The following ADGRA1 variants were observed in gnomAD, a reference collection of about 807,000 sequenced individuals.
ADGRA1 encodes G-protein coupled receptor 123.
In ADGRA1, 12 loss-of-function variants were observed where a neutral mutation model predicts 21.3. That is an observed-to-expected ratio of 0.56 (90% CI 0.36 to 0.91). The LOEUF (loss-of-function observed/expected upper bound fraction) is 0.91. Ranked by LOEUF, ADGRA1 falls within the 40% of genes least tolerant of loss-of-function variation. The pLI, the probability that ADGRA1 is intolerant of heterozygous loss-of-function variation, is 0.01. For synonymous variants in ADGRA1, 385 were observed against 368.8 expected, an observed-to-expected ratio of 1.04 and a Z score of -0.50; for missense variants, 790 against 805.6, an observed-to-expected ratio of 0.98 and a Z score of 0.23.
At chr10:133,110,068 C>T (rs1327007705) in intron 5 of ADGRA1, among the ~76,000 whole-genome samples, 2 of 152,218 alleles carry the variant, frequency 1.3e-5, no homozygotes, top group Non-Finnish European at 2.9e-5. Flanking sequence ...TGGTTTGTCT[C>T]CACAGAAGGA....
chr10:133,115,147 G>T (rs893054915), intron 5 of ADGRA1, among the ~76,000 whole-genome samples: 1 of 152,106 alleles, frequency 6.6e-6, no homozygotes, highest in Admixed American at 6.5e-5. Context: ...GGTGCACCTG[G>T]GCCTCAGGCG....
At chr10:133,122,255 G>C (rs903644527) in intron 5 of ADGRA1, among the ~76,000 whole-genome samples, 2 of 152,236 alleles carry the variant, frequency 1.3e-5, no homozygotes, top group African/African-American at 4.8e-5. Context: ...CACTGCAACC[G>C]GTGAGAGGTG....
At chr10:133,119,486 A>G (rs1205018568) in intron 5 of ADGRA1, among the ~76,000 whole-genome samples, 1 of 152,184 alleles carries the variant, frequency 6.6e-6, no homozygotes, top group Non-Finnish European at 1.5e-5. Context: ...TGTTTGGTGC[A>G]CTTTACCCAC....
In ADGRA1 at chr10:133,098,685, C is replaced by G. The variant is rs1177885620; in HGVS notation, c.177C>G (p.Phe59Leu). 1 of 1,611,598 alleles carries G rather than the reference C, an allele frequency of 6.2e-7. No homozygotes were observed. The highest frequency in any genetic ancestry group is 1.7e-5 in the Admixed American group (1 of 60,018). ...AGGGCCGGCACACGCTCCTGAATTTCTGCTTCCACGCGGCCCTGACCTTCA... is the reference window on the plus strand; with the variant it reads ...AGGGCCGGCACACGCTCCTGAATTTGTGCTTCCACGCGGCCCTGACCTTCA... ...SRKGRHTLLN[F>L]CFHAALTFTV... The change falls in exon 4 of 7, where the codon TTC becomes TTG. Residue 59 changes from phenylalanine to leucine, a missense_variant. Coordinates refer to ENST00000392607, the MANE Select transcript of ADGRA1 (RefSeq NM_001083909.3).
chr10:133,095,505 C>A, intron 2 of ADGRA1: 5 of 856,790 alleles, frequency 5.8e-6, no homozygotes, highest in Non-Finnish European at 8.5e-6. Flanking sequence ...GCTCCTCTCC[C>A]AGGTGCCTTC....
chr10:133,129,116 C>G lies in ADGRA1; in HGVS notation c.1288C>G (p.Pro430Ala). 1.3e-6 allele frequency: 2 copies of G among 1,553,166 alleles called. No homozygotes were observed. The highest frequency in any genetic ancestry group is 1.7e-6 in the Non-Finnish European group (2 of 1,147,442). The stretch of plus-strand genomic sequence containing the variant: ...TAAGCCGCCCTACTTTAGCCGGCAC[C>G]CAGCAGAGGAGCCCGAGTACGCCTA... Reference protein sequence around the residue: ...RTKPPYFSRHPAEEPEYAYHI... With the variant: ...RTKPPYFSRHAAEEPEYAYHI... Residue 430 changes from proline to alanine, a missense_variant, in exon 7 of 7, where the codon CCA becomes GCA. Physicochemically the swap from Pro to Ala is conservative, Grantham distance 27. Coordinates refer to ENST00000392607, the MANE Select transcript of ADGRA1 (RefSeq NM_001083909.3).
intron 5 of ADGRA1, among the ~76,000 whole-genome samples, chr10:133,105,451 G>A (rs778273126): frequency 6.6e-6 from 1 of 151,832 alleles, no homozygotes; most frequent in East Asian, 1.9e-4. Context: ...CTGAGCAGCC[G>A]ACGTTTTGAG....
rs759071235 is a variant in ADGRA1 at position 133,128,435 on chromosome 10, C to G, written c.607C>G (p.Arg203Gly). 1 of 1,604,742 alleles carries G rather than the reference C, an allele frequency of 6.2e-7. No individual in the cohort carries two copies. The highest frequency in any genetic ancestry group is 1.7e-5 in the Admixed American group (1 of 59,336). The change falls in exon 7 of 7, where the codon CGC (arginine) becomes GGC (glycine). Residue 203 changes from arginine (R) to glycine (G), a missense_variant. Physicochemically the swap from Arg to Gly is moderately radical, Grantham distance 125. Coordinates refer to ENST00000392607, the MANE Select transcript of ADGRA1 (RefSeq NM_001083909.3). The part of the protein sequence containing the change: ...YFLGTYVQLR[R>G]HPGRRYELRT... ...CCTGGGCACCTACGTGCAGCTGCGG[C>G]GCCACCCAGGGCGCAGGTACGAGCT...
rs546902205 is a variant in ADGRA1 at position 133,088,180 on chromosome 10, G to T, written c.-203+42G>T. 887 of 897,536 alleles carry T rather than the reference G, an allele frequency of 9.9e-4. 7 individuals are homozygous for T. The highest frequency in any genetic ancestry group is 8.3e-3 in the African/African-American group (460 of 55,586). The allele number at this position is 897,536 out of a possible 1,614,324, so 55.6% of individuals were successfully genotyped here. ...GGTCTGGGCGGCGGGAGGGACGCGC[G>T]GGGCCGCGGCTCGGCAGAAAAGCTC... is the stretch of plus-strand genomic sequence containing the variant. On this transcript the variant is annotated intron_variant, in intron 1 of 6. Transcript: ENST00000392607.
intron 5 of ADGRA1, among the ~76,000 whole-genome samples, chr10:133,106,818 C>G (rs1183231051): frequency 2.0e-5 from 3 of 152,264 alleles, no homozygotes; most frequent in Non-Finnish European, 4.4e-5. Flanking sequence ...TGCACACAGT[C>G]TCACCCCCGC....
chr10:133,107,729 T>A (rs1851918329), intron 5 of ADGRA1, among the ~76,000 whole-genome samples: 1 of 152,226 alleles, frequency 6.6e-6, no homozygotes, highest in South Asian at 2.1e-4. Flanking sequence ...TTTCTGCTTT[T>A]CCTTGTGATT....
chr10:133,120,182 T>A (rs1004620765), intron 5 of ADGRA1, among the ~76,000 whole-genome samples: 1 of 152,220 alleles, frequency 6.6e-6, no homozygotes, highest in Non-Finnish European at 1.5e-5. Context: ...GGCAGGCAGA[T>A]TACCTGAGGT....
chr10:133,106,107 C>T (rs1297283537), intron 5 of ADGRA1, among the ~76,000 whole-genome samples: 1 of 152,176 alleles, frequency 6.6e-6, no homozygotes, highest in Non-Finnish European at 1.5e-5. Context: ...CTCAGAACCG[C>T]CCTGGGTCTG....
chr10:133,088,516 G>C (rs947252598), intron 1 of ADGRA1, 192 bp from the exon 2 acceptor site: 1 of 237,364 alleles, frequency 4.2e-6, no homozygotes, highest in African/African-American at 2.3e-5. Context: ...ATCTGCCGCT[G>C]GCGCGTTCGG....
chr10:133,095,548 G>A, intron 2 of ADGRA1: 1 of 1,353,518 alleles, frequency 7.4e-7, no homozygotes, highest in Non-Finnish European at 9.8e-7. Flanking sequence ...CTCGTCCCGG[G>A]ATGCAGGGCC....
intron 5 of ADGRA1, among the ~76,000 whole-genome samples, chr10:133,111,282 A>T (rs12776097): frequency 0.021 from 641 of 29,842 alleles, 26 homozygotes; most frequent in Non-Finnish European, 0.025. Context: ...TCCTAATCCC[A>T]CCAGACAACC....
intron 5 of ADGRA1, among the ~76,000 whole-genome samples, chr10:133,114,230 A>G (rs1158408186): frequency 6.6e-6 from 1 of 152,212 alleles, no homozygotes; most frequent in Non-Finnish European, 1.5e-5. Context: ...ACACACCGCC[A>G]CTGATGCCTG....
At chr10:133,112,261 G>T (rs959136605) in intron 5 of ADGRA1, among the ~76,000 whole-genome samples, 3 of 152,254 alleles carry the variant, frequency 2.0e-5, no homozygotes, top group African/African-American at 7.2e-5. Context: ...TTGCAGTACG[G>T]CCACCCTTTC....
intron 5 of ADGRA1, among the ~76,000 whole-genome samples, chr10:133,111,363 CCCACCAGACAA>C (rs1852001449): frequency 1.2e-5 from 1 of 84,222 alleles, no homozygotes; most frequent in Non-Finnish European, 2.1e-5. Context: ...CCCTCCTAAT[CCCACCAGACAA>C]CCTGCCCACC....
Sources: gnomAD v4.1 joint callset for allele counts (sites outside exome capture counted in the v4.1 genomes callset) on GRCh38, gnomAD v4.1.1 for gene constraint, MANE v1.5 for transcripts, NCBI Gene and HGNC (gene_info 2026-07-23, HGNC 2026-07-21) for gene names.